Variants in SINHCAF observed in about 807,000 individuals in gnomAD.
SINHCAF encodes SIN3-HDAC complex-associated factor.
A neutral mutation model predicts 25.8 loss-of-function variants in SINHCAF; 3 were observed. That is an observed-to-expected ratio of 0.12 (90% CI 0.05 to 0.30). SINHCAF has a LOEUF of 0.30. SINHCAF is among the 10% of genes least tolerant of loss of function. The pLI is 1.00. For missense variants in SINHCAF, 121 were observed against 262.3 expected, an observed-to-expected ratio of 0.46 and a Z score of 3.72; for synonymous variants, 70 against 85.5, an observed-to-expected ratio of 0.82 and a Z score of 1.00.
chr12:31,320,054 A>C (rs2137138019), intron 1 of SINHCAF, among the ~76,000 whole-genome samples: 1 of 152,260 alleles, frequency 6.6e-6, no homozygotes, highest in East Asian at 1.9e-4. Flanking sequence ...TTTGTTCCTC[A>C]TCATGGTGCA....
chr12:31,301,219 G>T (rs1405702239), intron 1 of SINHCAF, among the ~76,000 whole-genome samples: 2 of 152,148 alleles, frequency 1.3e-5, no homozygotes, highest in Non-Finnish European at 2.9e-5. Context: ...CCTCTTCAAT[G>T]ATTTTTTTCT....
At chr12:31,283,848 TATCC>T (rs1198543800) in intron 5 of SINHCAF, among the ~76,000 whole-genome samples, 1 of 96,398 alleles carries the variant, frequency 1.0e-5, no homozygotes, top group Non-Finnish European at 2.2e-5. Context: ...ACTGCACAGT[TATCC>T]ATTACACACA....
intron 4 of SINHCAF, among the ~76,000 whole-genome samples, chr12:31,292,107 C>G (rs1289894039): frequency 1.3e-5 from 2 of 152,164 alleles, no homozygotes; most frequent in Non-Finnish European, 2.9e-5. Context: ...ATCACTTTCT[C>G]TATAATTAAG....
intron 1 of SINHCAF, among the ~76,000 whole-genome samples, chr12:31,317,011 C>T (rs568932078): frequency 1.3e-5 from 2 of 152,278 alleles, no homozygotes; most frequent in Admixed American, 1.3e-4. Flanking sequence ...TTTACTCTAA[C>T]TTCCCCAATT....
chr12:31,317,904 CAA>C (rs1044420840), intron 1 of SINHCAF, among the ~76,000 whole-genome samples: 1 of 152,094 alleles, frequency 6.6e-6, no homozygotes, highest in Non-Finnish European at 1.5e-5. Flanking sequence ...ACTAAGCAAC[CAA>C]AGACAACTTT....
At chr12:31,309,664 ATT>A (rs869251301) in intron 1 of SINHCAF, among the ~76,000 whole-genome samples, 3 of 128,722 alleles carry the variant, frequency 2.3e-5, no homozygotes, top group Non-Finnish European at 3.3e-5. Context: ...TCAACTTGTG[ATT>A]TTTTTTTTTT....
At chr12:31,292,585 T>C (rs919113144) in intron 4 of SINHCAF, among the ~76,000 whole-genome samples, 5 of 151,982 alleles carry the variant, frequency 3.3e-5, no homozygotes, top group South Asian at 2.1e-4. Flanking sequence ...TGAGAGCTGG[T>C]TAGGAAAGGT....
intron 3 of SINHCAF, among the ~76,000 whole-genome samples, 181 bp downstream of exon 3, chr12:31,295,053 C>A (rs949255583): frequency 6.6e-6 from 1 of 152,116 alleles, no homozygotes; most frequent in Non-Finnish European, 1.5e-5. Context: ...CCACACCAGG[C>A]TATTCTGTTC....
At chr12:31,319,601 G>A (rs1026972952) in intron 1 of SINHCAF, among the ~76,000 whole-genome samples, 8 of 152,100 alleles carry the variant, frequency 5.3e-5, no homozygotes, top group East Asian at 1.9e-4. Context: ...CACAAAGATC[G>A]GCACAAGGTA....
chr12:31,308,062 C>G (rs961910138), intron 1 of SINHCAF, among the ~76,000 whole-genome samples: 1 of 152,226 alleles, frequency 6.6e-6, no homozygotes, highest in East Asian at 1.9e-4. Flanking sequence ...GCCTCAGCCT[C>G]CCATGTAACT....
At chr12:31,308,286 G>A (rs1188104220) in intron 1 of SINHCAF, among the ~76,000 whole-genome samples, 3 of 152,118 alleles carry the variant, frequency 2.0e-5, no homozygotes, top group Admixed American at 6.6e-5. Flanking sequence ...TCCCTCACGA[G>A]TCCACATGAT....
intron 5 of SINHCAF, among the ~76,000 whole-genome samples, chr12:31,286,080 A>T (rs1938051564): frequency 6.6e-6 from 1 of 152,156 alleles, no homozygotes; most frequent in Admixed American, 6.5e-5. Context: ...TTACTACTAC[A>T]CTACTACCAA....
In SINHCAF at chr12:31,295,145, G is replaced by C. The variant is rs1592964538; in HGVS notation, c.228+89C>G. On this transcript the variant is annotated intron_variant, in intron 3 of 5. Transcript: ENST00000337682. ...ATTCTTTTCAGACTTTTCTACCCTA[G>C]GGATATATTACTTCCTAAATTAGGG... The C allele has an allele frequency of 6.6e-6, 5 of 754,760 alleles. No homozygotes were observed. The East Asian group carries it at 1.3e-4, about 20-fold the overall frequency. The allele number at this position is 754,760 out of a possible 1,614,324, so 46.8% of individuals were successfully genotyped here.
intron 4 of SINHCAF, among the ~76,000 whole-genome samples, chr12:31,289,407 C>A (rs868523383): frequency 2.9e-4 from 44 of 152,060 alleles, no homozygotes; most frequent in Admixed American, 7.9e-4. Context: ...TTGAAAGCAG[C>A]CAAAGAATAA....
rs140410723 is a variant in SINHCAF, at chr12:31,307,279, T to C, written c.-20-9055A>G. 6.1e-3 allele frequency among the ~76,000 whole-genome samples: 930 copies of C among 152,250 alleles called. 13 individuals are homozygous for C. The highest frequency in any genetic ancestry group is 0.021 in the African/African-American group (878 of 41,544). ...AACAAATACTAACTACCTGGATGTA[T>C]AGGGATGCTTAAAAAGGCACTAGAG... On this transcript the variant is annotated intron_variant, in intron 1 of 5. Coordinates refer to ENST00000337682, the MANE Select transcript of SINHCAF (RefSeq NM_001135812.2).
At chr12:31,319,724 A>G (rs1374490847) in intron 1 of SINHCAF, among the ~76,000 whole-genome samples, 5 of 152,150 alleles carry the variant, frequency 3.3e-5, no homozygotes, top group African/African-American at 1.2e-4. Context: ...ATCCACTCGC[A>G]GGAAGTTACT....
intron 1 of SINHCAF, chr12:31,304,229 AT>A (rs1938935222): frequency 6.6e-6 from 1 of 152,294 alleles, no homozygotes; most frequent in South Asian, 2.1e-4. Context: ...ACATACCAAA[AT>A]GTATCTCTTA....
At position 31,324,793 on chromosome 12, in the gene SINHCAF, A is replaced by AC. The variant is rs1343564380; in HGVS notation, c.-21+1230dup. 2.8e-6 allele frequency: 1 copy of AC among 360,636 alleles called. No homozygotes were observed. 22.3% of individuals were successfully genotyped at this position (360,636 alleles called of 1,614,324 possible). Reference sequence around the variant, plus strand: ...GAAGAGTCCGGAGCCTGGCCCCCCGACCCTCCCCTCGGGAGCAGGCCCATT... The same window carrying AC: ...GAAGAGTCCGGAGCCTGGCCCCCCGACCCCTCCCCTCGGGAGCAGGCCCATT... On this transcript the variant is annotated intron_variant, in intron 1 of 5. Transcript: ENST00000337682. This position sits in a 1 kb window ranked among gnomAD's most constrained non-coding sequence, Gnocchi z 5.5.
At chr12:31,320,841 A>G (rs374593877) in intron 1 of SINHCAF, among the ~76,000 whole-genome samples, 12 of 152,150 alleles carry the variant, frequency 7.9e-5, no homozygotes, top group East Asian at 3.9e-4. Flanking sequence ...GGGGAAGGAA[A>G]TTAGACTAGT....
Sources: allele counts gnomAD v4.1 joint callset (sites outside exome capture counted in the v4.1 genomes callset), GRCh38; gene constraint gnomAD v4.1.1; non-coding constraint Gnocchi (gnomAD v3.1); transcripts MANE v1.5; gene names NCBI Gene and HGNC (gene_info 2026-07-23, HGNC 2026-07-21).